The following DNAJC6 variants were observed in gnomAD, a reference collection of about 807,000 sequenced individuals.
The protein encoded by DNAJC6 is auxilin.
DNAJC6 carries 34 observed loss-of-function variants against 110.0 expected under a neutral mutation model. The ratio of observed to expected loss-of-function variants is 0.31; its 90% CI spans 0.24 to 0.41. The LOEUF (loss-of-function observed/expected upper bound fraction) is 0.41. DNAJC6 is among the 10% of genes least tolerant of loss of function. The pLI, the probability that DNAJC6 is intolerant of heterozygous loss-of-function variation, is 1.00. For synonymous variants in DNAJC6, 406 were observed against 437.2 expected (o/e 0.93, Z 0.89); for missense variants, 1,031 against 1,207.8 (o/e 0.85, Z 2.17).
In DNAJC6 at chr1:65,389,556, C is replaced by A; in HGVS notation, c.1397C>A (p.Pro466Gln). The stretch of plus-strand genomic sequence containing the variant: ...TCTTTTTGTCTTGCAGGACAGGCTC[C>A]AATAGATATCCCTCCAGACAACCCC... ...QDTLALGGQAPIDIPPDNPRH... is the reference protein window; with the variant it reads ...QDTLALGGQAQIDIPPDNPRH... Residue 466 changes from proline to glutamine, a missense_variant, in exon 11 of 19, where the codon CCA becomes CAA. Transcript: ENST00000371069. The A allele has an allele frequency of 6.2e-7, 1 of 1,614,148 alleles. No homozygotes were observed. The highest frequency in any genetic ancestry group is 1.6e-4 in the Middle Eastern group (1 of 6,062).
chr1:65,266,054 A>G (rs1434335602), intron 1 of DNAJC6, among the ~76,000 whole-genome samples: 1 of 152,238 alleles, frequency 6.6e-6, no homozygotes. Context: ...GGGGGCTGGC[A>G]CGCAGCCCGT....
chr1:65,327,068 A>C (rs1367904869), intron 1 of DNAJC6, among the ~76,000 whole-genome samples: 2 of 152,206 alleles, frequency 1.3e-5, no homozygotes. Context: ...TAGACAGTAC[A>C]GGTAAAAAGT....
intron 1 of DNAJC6, among the ~76,000 whole-genome samples, chr1:65,271,839 C>G (rs1488465420): frequency 1.3e-5 from 2 of 149,134 alleles, no homozygotes; most frequent in Non-Finnish European, 3.0e-5. Flanking sequence ...ACTGTACACT[C>G]CAGCCTGGGC....
intron 1 of DNAJC6, among the ~76,000 whole-genome samples, chr1:65,265,193 CTGAG>C (rs1403927890): frequency 1.3e-5 from 2 of 152,152 alleles, no homozygotes; most frequent in African/African-American, 2.4e-5. Flanking sequence ...TTAATCTTGG[CTGAG>C]TAACACAGCT....
chr1:65,303,504 C>T (rs559938380), intron 1 of DNAJC6, among the ~76,000 whole-genome samples: 7 of 151,832 alleles, frequency 4.6e-5, no homozygotes, highest in African/African-American at 1.7e-4. Flanking sequence ...TGATAACATG[C>T]AGTATTTAGG....
chr1:65,333,007 A>T (rs1645302158), intron 1 of DNAJC6, among the ~76,000 whole-genome samples: 1 of 152,198 alleles, frequency 6.6e-6, no homozygotes, highest in Non-Finnish European at 1.5e-5. Context: ...TACAGTGGTT[A>T]CAGACTCACA....
At chr1:65,289,479 C>G (rs1654128986) in intron 1 of DNAJC6, among the ~76,000 whole-genome samples, 1 of 152,166 alleles carries the variant, frequency 6.6e-6, no homozygotes, top group Non-Finnish European at 1.5e-5. Flanking sequence ...CAGATGTGAG[C>G]CACTGCACCA....
chr1:65,404,385 G>A (rs371171875), intron 15 of DNAJC6, among the ~76,000 whole-genome samples: 2 of 152,266 alleles, frequency 1.3e-5, no homozygotes, highest in African/African-American at 2.4e-5. Flanking sequence ...ACATAGTTTT[G>A]ATTAAACAGA....
intron 5 of DNAJC6, among the ~76,000 whole-genome samples, chr1:65,382,488 T>C (rs1049222252): frequency 6.6e-6 from 1 of 152,198 alleles, no homozygotes; most frequent in Admixed American, 6.5e-5. Context: ...CATAGTGAAT[T>C]TGGATTTTAA....
In DNAJC6 at chr1:65,385,719, G is replaced by A; in HGVS notation, c.808G>A (p.Gly270Ser). The change falls in exon 7 of 19, where the codon GGC becomes AGC. Residue 270 changes from glycine (G) to serine (S), a missense_variant. Gly to Ser is a moderately conservative substitution (Grantham distance 56, BLOSUM62 0). Coordinates refer to ENST00000371069, the MANE Select transcript of DNAJC6 (RefSeq NM_001256864.2). ...GCCAACCTTCTGTTTCAGATACCTG[G>A]GCTATATGTGTGACCTACTGGCAGA... Reference protein sequence around the residue: ...GLSPSHRRYLGYMCDLLADKP... With the variant: ...GLSPSHRRYLSYMCDLLADKP... 6.2e-7 allele frequency: 1 copy of A among 1,604,494 alleles called. No homozygotes were observed. The highest frequency in any genetic ancestry group is 8.5e-7 in the Non-Finnish European group (1 of 1,172,922).
intron 1 of DNAJC6, among the ~76,000 whole-genome samples, chr1:65,363,856 G>C (rs2101552206): frequency 6.6e-6 from 1 of 152,284 alleles, no homozygotes; most frequent in Middle Eastern, 3.4e-3. Context: ...AAGCTATAAA[G>C]GGAAGAGAAC....
At chr1:65,312,273 C>T (rs1645108588) in intron 1 of DNAJC6, among the ~76,000 whole-genome samples, 1 of 152,076 alleles carries the variant, frequency 6.6e-6, no homozygotes, top group African/African-American at 2.4e-5. Flanking sequence ...TACAGGGTAT[C>T]TTACAATGAT....
At chr1:65,396,219 A>T (rs1645975711) in intron 13 of DNAJC6, among the ~76,000 whole-genome samples, 1 of 152,192 alleles carries the variant, frequency 6.6e-6, no homozygotes, top group South Asian at 2.1e-4. Context: ...AGTCATGCTC[A>T]CTTGAGAGAG....
chr1:65,380,982 A>G lies in DNAJC6; in HGVS notation c.666+1458A>G, dbSNP rs554888416. ...TTGCCAGGCTGGAGTGCAGTGGCAC[A>G]ATCTCGGCTCACTGCAACCTCTGCC... On this transcript the variant is annotated intron_variant, in intron 5 of 18. Coordinates refer to ENST00000371069, the MANE Select transcript of DNAJC6 (RefSeq NM_001256864.2). Among the ~76,000 whole-genome samples, 291 of 135,688 alleles carry G rather than the reference A, an allele frequency of 2.1e-3. 1 individual carries two copies. Among genetic ancestry groups the G allele is most frequent in the Non-Finnish European group, 3.4e-3 (222 of 66,136 alleles). The allele number at this position is 135,688 out of a possible 152,430, so 89.0% of individuals were successfully genotyped here.
chr1:65,382,318 T>C (rs1182416604), intron 5 of DNAJC6, among the ~76,000 whole-genome samples: 4 of 152,176 alleles, frequency 2.6e-5, no homozygotes, highest in Non-Finnish European at 5.9e-5. Flanking sequence ...TTGTTATATA[T>C]TTAGTTGAGT....
chr1:65,330,687 T>A (rs1316539529), intron 1 of DNAJC6, among the ~76,000 whole-genome samples: 2 of 152,174 alleles, frequency 1.3e-5, no homozygotes, highest in Non-Finnish European at 2.9e-5. Context: ...CAGGATGGTC[T>A]CAATCTCCTG....
intron 1 of DNAJC6, among the ~76,000 whole-genome samples, chr1:65,270,290 ATG>A (rs1170229192): frequency 1.3e-5 from 2 of 152,138 alleles, no homozygotes; most frequent in Non-Finnish European, 2.9e-5. Flanking sequence ...TGAAACGTAT[ATG>A]TATATATATA....
intron 1 of DNAJC6, chr1:65,278,924 T>A: frequency 1.0e-6 from 1 of 966,346 alleles, no homozygotes; most frequent in Non-Finnish European, 1.2e-6. Flanking sequence ...GAATCCCAGA[T>A]GTATCCTGCG....
At chr1:65,396,994 G>A (rs1283389594) in intron 13 of DNAJC6, among the ~76,000 whole-genome samples, 2 of 152,076 alleles carry the variant, frequency 1.3e-5, no homozygotes, top group Non-Finnish European at 2.9e-5. Context: ...CATGGACGTG[G>A]GTGTTCATAC....
Sources: allele counts gnomAD v4.1 joint callset (sites outside exome capture counted in the v4.1 genomes callset), GRCh38; gene constraint gnomAD v4.1.1; transcripts MANE v1.5; gene names NCBI Gene and HGNC (gene_info 2026-07-23, HGNC 2026-07-21).